Variants in FRMD4B observed in about 807,000 individuals in gnomAD.
FRMD4B encodes FERM domain containing 4B, also known as FERM domain-containing protein 4B.
A neutral mutation model predicts 141.5 loss-of-function variants in FRMD4B; 74 were observed. That is an observed-to-expected ratio of 0.52 (90% CI 0.43 to 0.63). The LOEUF (loss-of-function observed/expected upper bound fraction) is 0.63, where lower values mean the gene tolerates loss of function less well. Ranked by LOEUF, FRMD4B falls within the 30% of genes least tolerant of loss-of-function variation. The pLI, the probability that FRMD4B is intolerant of heterozygous loss-of-function variation, is 0.00. For synonymous variants in FRMD4B, 506 were observed against 467.9 expected (o/e 1.08, Z -1.05); for missense variants, 1,366 against 1,253.4 (o/e 1.09, Z -1.36).
chr3:69,295,584 G>T (rs1701010889), intron 4 of FRMD4B, among the ~76,000 whole-genome samples: 1 of 152,180 alleles, frequency 6.6e-6, no homozygotes, highest in Non-Finnish European at 1.5e-5. Flanking sequence ...CTCCCCAAGT[G>T]CTGGGATTAC....
chr3:69,267,636 TAGAGAG>T (rs55659743), intron 5 of FRMD4B, among the ~76,000 whole-genome samples: 36 of 32,932 alleles, frequency 1.1e-3, no homozygotes, highest in African/African-American at 4.1e-3. Context: ...TATATATATA[TAGAGAG>T]AGAGAGAGAG....
At chr3:69,308,962 A>C (rs1267131032) in intron 3 of FRMD4B, among the ~76,000 whole-genome samples, 1 of 152,008 alleles carries the variant, frequency 6.6e-6, no homozygotes, top group Non-Finnish European at 1.5e-5. Context: ...TGCACTTATA[A>C]TTGCTGATAT....
intron 11 of FRMD4B, among the ~76,000 whole-genome samples, chr3:69,214,552 A>G (rs2093119745): frequency 6.6e-6 from 1 of 152,122 alleles, no homozygotes; most frequent in Non-Finnish European, 1.5e-5. Flanking sequence ...TGTACACTTG[A>G]GCTTGGATCA....
chr3:69,267,563 G>A (rs1227786921), intron 5 of FRMD4B, among the ~76,000 whole-genome samples: 1 of 136,194 alleles, frequency 7.3e-6, no homozygotes, highest in East Asian at 2.1e-4. Context: ...AAAATATTTA[G>A]TACATATATA....
At chr3:69,382,031 T>A (rs971315753) in intron 1 of FRMD4B, among the ~76,000 whole-genome samples, 1 of 152,142 alleles carries the variant, frequency 6.6e-6, no homozygotes, top group Non-Finnish European at 1.5e-5. Context: ...ACCCCTCCTA[T>A]TTTATTTCAT....
chr3:69,434,311 C>G (rs1341773693), intron 1 of FRMD4B, among the ~76,000 whole-genome samples: 1 of 152,162 alleles, frequency 6.6e-6, no homozygotes, highest in African/African-American at 2.4e-5. Flanking sequence ...TATGCTATGC[C>G]AGGCACATCA....
At chr3:69,421,259 G>C (rs953388071) in intron 2 of FRMD4B, among the ~76,000 whole-genome samples, 1 of 152,236 alleles carries the variant, frequency 6.6e-6, no homozygotes, top group African/African-American at 2.4e-5. Flanking sequence ...GCCAGCTCTA[G>C]TATTAATTAC....
intron 1 of FRMD4B, among the ~76,000 whole-genome samples, chr3:69,372,407 G>A (rs1703851244): frequency 6.6e-6 from 1 of 152,244 alleles, no homozygotes; most frequent in African/African-American, 2.4e-5. Context: ...GCTCATGCCT[G>A]TAATCCCAAC....
intron 11 of FRMD4B, among the ~76,000 whole-genome samples, chr3:69,207,893 T>C (rs1041568639): frequency 2.0e-5 from 3 of 152,166 alleles, no homozygotes; most frequent in Middle Eastern, 3.4e-3. Flanking sequence ...GCATCTTCCA[T>C]TTCTACACGG....
intron 1 of FRMD4B, among the ~76,000 whole-genome samples, chr3:69,460,090 C>T (rs571267780): frequency 8.5e-5 from 13 of 152,184 alleles, no homozygotes; most frequent in Non-Finnish European, 1.8e-4. Context: ...CCCTCTCATT[C>T]CCCACAGCCT....
chr3:69,326,112 C>T (rs1203588354), intron 1 of FRMD4B, among the ~76,000 whole-genome samples: 2 of 147,038 alleles, frequency 1.4e-5, no homozygotes, highest in African/African-American at 5.3e-5. Context: ...TCATGCCTGG[C>T]TAATCAATTT....
At chr3:69,536,593 T>C (rs1200195894) in intron 1 of FRMD4B, 2 of 815,212 alleles carry the variant, frequency 2.5e-6, no homozygotes, top group Admixed American at 2.0e-5. Flanking sequence ...GGGAAGCTGC[T>C]GCAGCTCAGG....
At chr3:69,383,835 C>G (rs2128969) in intron 1 of FRMD4B, among the ~76,000 whole-genome samples, 67,029 of 152,086 alleles carry the variant, frequency 0.44, 16,241 homozygotes, top group East Asian at 0.61. Context: ...GTTGGGATTA[C>G]AGGCATGAGC....
intron 5 of FRMD4B, among the ~76,000 whole-genome samples, chr3:69,277,012 G>C (rs1485138252): frequency 6.6e-6 from 1 of 152,230 alleles, no homozygotes; most frequent in East Asian, 1.9e-4. Flanking sequence ...GGCTGAGACT[G>C]TCACGAAGTT....
intron 1 of FRMD4B, among the ~76,000 whole-genome samples, chr3:69,469,897 C>G (rs1426860864): frequency 6.6e-6 from 1 of 152,168 alleles, no homozygotes; most frequent in Non-Finnish European, 1.5e-5. Flanking sequence ...GGGTCAAGTA[C>G]CTTGTTTCAA....
At chr3:69,458,052 T>C (rs1705647159) in intron 1 of FRMD4B, among the ~76,000 whole-genome samples, 1 of 152,230 alleles carries the variant, frequency 6.6e-6, no homozygotes, top group African/African-American at 2.4e-5. Flanking sequence ...TCTTGCTTCC[T>C]GGGAATCTCC....
At chr3:69,177,431 C>T (rs1228119388) in intron 21 of FRMD4B, among the ~76,000 whole-genome samples, 1 of 152,130 alleles carries the variant, frequency 6.6e-6, no homozygotes, top group East Asian at 1.9e-4. Flanking sequence ...GGGAGTAACG[C>T]TTGAGCCCAG....
chr3:69,181,805 G>C, intron 20 of FRMD4B, 95 bp from the exon 21 acceptor site: 1 of 717,226 alleles, frequency 1.4e-6, no homozygotes, highest in East Asian at 2.7e-5. Flanking sequence ...TGAATAGCTC[G>C]TGAATTACAA....
At chr3:69,211,022 C>CG (rs35550802) in intron 11 of FRMD4B, among the ~76,000 whole-genome samples, 360 of 3,340 alleles carry the variant, frequency 0.11, 15 homozygotes, top group East Asian at 0.44. Context: ...AATGCCATCT[C>CG]GAAAAAAAAA....
Sources: allele counts gnomAD v4.1 joint callset (sites outside exome capture counted in the v4.1 genomes callset), GRCh38; gene constraint gnomAD v4.1.1; transcripts MANE v1.5; gene names NCBI Gene and HGNC (gene_info 2026-07-23, HGNC 2026-07-21).